ARHGAP18: variants seen among roughly 807,000 people sequenced by gnomAD.
The protein encoded by ARHGAP18 is Rho GTPase activating protein 18, also known as rho GTPase-activating protein 18.
A neutral mutation model predicts 86.2 loss-of-function variants in ARHGAP18; 67 were observed. That is an observed-to-expected ratio of 0.78 (90% confidence interval 0.64 to 0.95). ARHGAP18 has a LOEUF of 0.95. Among genes scored for constraint, ARHGAP18 ranks in the 40% least tolerant of loss-of-function variants. ARHGAP18 has a pLI of 0.00. For synonymous variants in ARHGAP18, 283 were observed against 280.4 expected (o/e 1.01, Z -0.09); for missense variants, 691 against 780.4 (o/e 0.89, Z 1.37).
In ARHGAP18 at chr6:129,600,770, T is replaced by C. The variant is rs764595382; in HGVS notation, c.1444A>G (p.Met482Val). ...KMTVMNVAMV[M>V]APNLFMCHAL... ...TGACACATAAAGAGATTCGGGGCCA[T>C]GACCATTGCTACATTCATGACTGTC... The change falls in exon 11 of 15, where the codon ATG becomes GTG. Residue 482 changes from methionine (M) to valine (V), a missense_variant. Transcript: ENST00000368149. 2 of 1,613,636 alleles carry C rather than the reference T, an allele frequency of 1.2e-6. No homozygotes were observed. Among genetic ancestry groups the C allele is most frequent in the East Asian group, 2.2e-5 (1 of 44,874 alleles).
In ARHGAP18 at chr6:129,625,784, T is replaced by G. The variant is rs1341839173; in HGVS notation, c.786+3569A>C. Among the ~76,000 whole-genome samples, 38 of 53,596 alleles carry G rather than the reference T, an allele frequency of 7.1e-4. 3 individuals are homozygous for G. The highest frequency in any genetic ancestry group is 1.1e-3 in the Non-Finnish European group (35 of 31,694). The allele number at this position is 53,596 out of a possible 152,430, so 35.2% of individuals were successfully genotyped here. ...TATATATTATATATATTTATATATA[T>G]AATATATATTTTTATATTATATATT... On this transcript the variant is annotated intron_variant, in intron 5 of 14. Coordinates refer to ENST00000368149, the MANE Select transcript of ARHGAP18 (RefSeq NM_033515.3).
At chr6:129,659,602 G>A (rs1258015732) in intron 1 of ARHGAP18, among the ~76,000 whole-genome samples, 1 of 152,156 alleles carries the variant, frequency 6.6e-6, no homozygotes, top group Non-Finnish European at 1.5e-5. Context: ...GTAGTAGCCA[G>A]GATTACAGGC....
chr6:129,634,860 T>G (rs1773298972), intron 3 of ARHGAP18, among the ~76,000 whole-genome samples: 1 of 150,548 alleles, frequency 6.6e-6, no homozygotes, highest in South Asian at 2.1e-4. Flanking sequence ...AAAGTACATG[T>G]CCCTAATAAA....
At chr6:129,654,812 C>G (rs1773793019) in intron 1 of ARHGAP18, among the ~76,000 whole-genome samples, 1 of 152,220 alleles carries the variant, frequency 6.6e-6, no homozygotes, top group South Asian at 2.1e-4. Context: ...TCCAAGTTGA[C>G]TGATTTCTAC....
At chr6:129,610,016 C>T (rs759017239) in intron 8 of ARHGAP18, among the ~76,000 whole-genome samples, 6 of 152,200 alleles carry the variant, frequency 3.9e-5, no homozygotes, top group African/African-American at 7.2e-5. Context: ...CCAGCTCTAA[C>T]GATTTCATAA....
intron 4 of ARHGAP18, 70 bp downstream of exon 4, chr6:129,633,972 A>G: frequency 7.5e-7 from 1 of 1,335,448 alleles, no homozygotes. Context: ...GTAATGTTTT[A>G]TAAGACTGTA....
intron 13 of ARHGAP18, 146 bp from the exon 14 acceptor site, chr6:129,580,277 C>G: frequency 1.6e-6 from 1 of 644,492 alleles, no homozygotes; most frequent in South Asian, 2.3e-5. Context: ...ATTTTCCCAT[C>G]TGTTAAATGT....
chr6:129,682,833 A>T (rs1402167225), intron 1 of ARHGAP18, among the ~76,000 whole-genome samples: 1 of 152,256 alleles, frequency 6.6e-6, no homozygotes, highest in African/African-American at 2.4e-5. Context: ...AAACACAATA[A>T]GAATTTTTTT....
chr6:129,708,969 C>T (rs57340348), intron 1 of ARHGAP18, among the ~76,000 whole-genome samples: 26,360 of 152,094 alleles, frequency 0.17, 2,488 homozygotes, highest in Middle Eastern at 0.26. Context: ...AAACAGTTCC[C>T]GTCAGCTGGG....
At chr6:129,689,712 C>T (rs1237583722) in intron 1 of ARHGAP18, among the ~76,000 whole-genome samples, 1 of 152,176 alleles carries the variant, frequency 6.6e-6, no homozygotes, top group African/African-American at 2.4e-5. Flanking sequence ...AATGCCCTTT[C>T]AGCATAATTG....
chr6:129,625,348 T>C (rs1446748919), intron 5 of ARHGAP18, among the ~76,000 whole-genome samples: 3 of 73,404 alleles, frequency 4.1e-5, no homozygotes, highest in Non-Finnish European at 6.6e-5. Flanking sequence ...TATTTATATG[T>C]AATATATATT....
intron 5 of ARHGAP18, among the ~76,000 whole-genome samples, chr6:129,626,702 C>T (rs537867288): frequency 1.4e-5 from 2 of 145,296 alleles, no homozygotes; most frequent in African/African-American, 5.0e-5. Context: ...CACACACAGA[C>T]AAATAGAAAA....
At chr6:129,636,770 C>T (rs1262374036) in intron 3 of ARHGAP18, among the ~76,000 whole-genome samples, 2 of 152,144 alleles carry the variant, frequency 1.3e-5, no homozygotes, top group East Asian at 3.9e-4. Flanking sequence ...CCCAGCTACT[C>T]CGAGGCTGAG....
intron 12 of ARHGAP18, among the ~76,000 whole-genome samples, chr6:129,594,869 C>T (rs9492348): frequency 6.6e-6 from 1 of 152,054 alleles, no homozygotes; most frequent in Non-Finnish European, 1.5e-5. Flanking sequence ...TATTTTATAA[C>T]AGCAGTAATC....
rs188319932 is a variant in ARHGAP18 at position 129,601,810 on chromosome 6, T to C, written c.1366-962A>G. On this transcript the variant is annotated intron_variant, in intron 10 of 14. Coordinates refer to ENST00000368149, the MANE Select transcript of ARHGAP18 (RefSeq NM_033515.3). ...CCTGGCTAATTTTTTTGATTTTTCATAGAGGCAAATTCTCGCAATGTTGCC... is the reference window on the plus strand; with the variant it reads ...CCTGGCTAATTTTTTTGATTTTTCACAGAGGCAAATTCTCGCAATGTTGCC... 5.6e-4 allele frequency among the ~76,000 whole-genome samples: 82 copies of C among 147,570 alleles called. 1 individual carries two copies. The highest frequency in any genetic ancestry group is 2.0e-3 in the Admixed American group (31 of 15,156).
intron 12 of ARHGAP18, among the ~76,000 whole-genome samples, chr6:129,584,503 T>A (rs72980660): frequency 0.016 from 2,442 of 152,324 alleles, 33 homozygotes; most frequent in Non-Finnish European, 0.025. Context: ...AAAATCTTCC[T>A]GGACATTCAC....
At chr6:129,598,970 G>C (rs1214046622) in intron 12 of ARHGAP18, 2 of 288,538 alleles carry the variant, frequency 6.9e-6, no homozygotes, top group African/African-American at 4.5e-5. Context: ...GTTCAGTCTT[G>C]TCTTGATATC....
intron 1 of ARHGAP18, among the ~76,000 whole-genome samples, chr6:129,663,788 C>T (rs548866293): frequency 6.6e-6 from 1 of 152,320 alleles, no homozygotes. Context: ...ACAATGATAG[C>T]ACTTCACATA....
chr6:129,637,257 G>A (rs117256255), intron 3 of ARHGAP18, among the ~76,000 whole-genome samples: 2,638 of 152,160 alleles, frequency 0.017, 52 homozygotes, highest in Non-Finnish European at 0.028. Flanking sequence ...TAGAGATTGG[G>A]TTTTGCTATG....
Sources: gnomAD v4.1 joint callset for allele counts (sites outside exome capture counted in the v4.1 genomes callset) on GRCh38, gnomAD v4.1.1 for gene constraint, MANE v1.5 for transcripts, NCBI Gene and HGNC (gene_info 2026-07-23, HGNC 2026-07-21) for gene names.